The following AFF1 variants were observed in gnomAD, a reference collection of about 807,000 sequenced individuals.
The protein encoded by AFF1 is ALF transcription elongation factor 1.
A neutral mutation model predicts 121.7 loss-of-function variants in AFF1; 48 were observed. That is an observed-to-expected ratio of 0.39 (90% CI 0.31 to 0.50). The LOEUF (loss-of-function observed/expected upper bound fraction) is 0.50. Ranked by LOEUF, AFF1 falls within the 20% of genes least tolerant of loss-of-function variation. The probability of loss-of-function intolerance (pLI) is 0.76; values close to 1 mark genes in which losing one functional copy is unlikely to be tolerated. For missense variants in AFF1, 1,523 were observed against 1,511.7 expected (o/e 1.01, Z -0.12); for synonymous variants, 613 against 563.0 (o/e 1.09, Z -1.26).
intron 2 of AFF1, among the ~76,000 whole-genome samples, chr4:87,016,264 A>G (rs1375700982): frequency 6.6e-6 from 1 of 152,100 alleles, no homozygotes; most frequent in Non-Finnish European, 1.5e-5. Flanking sequence ...GATCTTTTAT[A>G]TCTTTTGTTA....
At chr4:87,066,780 T>C (rs899855082) in intron 4 of AFF1, among the ~76,000 whole-genome samples, 1 of 152,148 alleles carries the variant, frequency 6.6e-6, no homozygotes, top group Non-Finnish European at 1.5e-5. Context: ...ACCCTGAAGG[T>C]TTATCAGCAC....
intron 2 of AFF1, among the ~76,000 whole-genome samples, chr4:87,021,649 G>T (rs1324370873): frequency 6.6e-6 from 1 of 152,142 alleles, no homozygotes; most frequent in Non-Finnish European, 1.5e-5. Flanking sequence ...AAAACTAATT[G>T]TAAGTTAATT....
chr4:86,985,280 G>C (rs56378441), intron 2 of AFF1, among the ~76,000 whole-genome samples: 29,148 of 145,158 alleles, frequency 0.2, 3,068 homozygotes, highest in East Asian at 0.29. Context: ...GGAGGCCGAG[G>C]TGGGTGGATC....
chr4:87,108,342 A>G (rs1726139607), intron 11 of AFF1, 27 bp downstream of exon 11: 1 of 1,606,172 alleles, frequency 6.2e-7, no homozygotes, highest in Non-Finnish European at 8.5e-7. Context: ...CGAGATGGCC[A>G]CCTTAGATGG....
At chr4:86,956,781 C>T (rs905617328) in intron 2 of AFF1, among the ~76,000 whole-genome samples, 5 of 152,104 alleles carry the variant, frequency 3.3e-5, no homozygotes, top group African/African-American at 1.2e-4. Context: ...AATAATATTC[C>T]ATTGCATAGA....
intron 12 of AFF1, among the ~76,000 whole-genome samples, chr4:87,117,497 G>A (rs565363700): frequency 6.6e-6 from 1 of 152,206 alleles, no homozygotes; most frequent in South Asian, 2.1e-4. Context: ...ACCCCCATTG[G>A]TATTTTAAAA....
Position 87,114,694 on chromosome 4 carries a change from C to T in AFF1, c.1861C>T (p.Arg621Trp), listed in dbSNP as rs181226264. ...CAAAAAACCTGTCAAGGCCTCTGCC[C>T]GGGCAGGTTCACGGACCAGCCTGCA... is the stretch of plus-strand genomic sequence containing the variant. ...QPKKPVKASARAGSRTSLQGE... is the reference protein window; with the variant it reads ...QPKKPVKASAWAGSRTSLQGE... Residue 621 changes from arginine (R) to tryptophan (W), a missense_variant, in exon 12 of 21, where the codon CGG becomes TGG. By Grantham distance (101) the Arg-to-Trp change is moderately radical (BLOSUM62 -3). Transcript: ENST00000395146. 44 of 1,613,938 alleles carry T rather than the reference C, an allele frequency of 2.7e-5. No homozygotes were observed. The Admixed American group carries it at 3.7e-4, about 13-fold the overall frequency.
At chr4:87,066,390 G>C (rs1346982130) in intron 4 of AFF1, among the ~76,000 whole-genome samples, 7 of 152,036 alleles carry the variant, frequency 4.6e-5, no homozygotes, top group Non-Finnish European at 1.0e-4. Context: ...TTTGAGACTA[G>C]CCTAGGCAAC....
intron 4 of AFF1, among the ~76,000 whole-genome samples, chr4:87,078,361 G>A (rs975401076): frequency 4.6e-5 from 7 of 152,236 alleles, no homozygotes; most frequent in East Asian, 1.9e-4. Context: ...TCTGAGTTCC[G>A]GGACTGAAAA....
At chr4:87,009,823 C>T (rs1379789932) in intron 2 of AFF1, among the ~76,000 whole-genome samples, 3 of 152,178 alleles carry the variant, frequency 2.0e-5, no homozygotes, top group South Asian at 2.1e-4. Context: ...GATGTAAAAT[C>T]TCAGGTAGTG....
At chr4:87,124,867 C>T (rs1234052231) in intron 12 of AFF1, among the ~76,000 whole-genome samples, 170 bp from the exon 13 acceptor site, 2 of 152,170 alleles carry the variant, frequency 1.3e-5, no homozygotes, top group African/African-American at 4.8e-5. Flanking sequence ...TGCCCACTCC[C>T]CATCACACTC....
At chr4:86,979,753 T>C (rs570290652) in intron 2 of AFF1, among the ~76,000 whole-genome samples, 1 of 152,330 alleles carries the variant, frequency 6.6e-6, no homozygotes, top group South Asian at 2.1e-4. Context: ...ACATGTCTTA[T>C]TGAAAAGGTT....
chr4:87,129,636 C>T (rs1356985243), intron 16 of AFF1, among the ~76,000 whole-genome samples: 1 of 152,196 alleles, frequency 6.6e-6, no homozygotes, highest in African/African-American at 2.4e-5. Context: ...TGTTCTGTCA[C>T]TAATCTGAGC....
intron 2 of AFF1, among the ~76,000 whole-genome samples, chr4:87,017,101 GTTTTTTT>G (rs66466780): frequency 9.4e-6 from 1 of 106,376 alleles, no homozygotes; most frequent in Admixed American, 1.0e-4. Flanking sequence ...ATATATATGT[GTTTTTTT>G]TTTTTTTTTT....
chr4:87,052,472 T>C (rs1377454232), intron 4 of AFF1, among the ~76,000 whole-genome samples: 1 of 151,676 alleles, frequency 6.6e-6, no homozygotes, highest in Non-Finnish European at 1.5e-5. Context: ...GGAGTATGGC[T>C]AGAACACTGA....
At chr4:87,042,010 GAA>G (rs571154413) in intron 2 of AFF1, among the ~76,000 whole-genome samples, 15 of 124,760 alleles carry the variant, frequency 1.2e-4, no homozygotes, top group Admixed American at 1.7e-4. Context: ...ACTCCATCTG[GAA>G]AAAAAAAAAA....
In AFF1 at chr4:87,132,215, C is replaced by T; in HGVS notation, c.3174-56C>T. 1.9e-6 allele frequency: 3 copies of T among 1,576,024 alleles called. No homozygotes were observed. In the Admixed American group the frequency reaches 5.5e-5, roughly 29 times the overall value. On this transcript the variant is annotated intron_variant, in intron 18 of 20. Coordinates refer to ENST00000395146, the MANE Select transcript of AFF1 (RefSeq NM_001166693.3). ...CATTAGGCTATAAAAGGTTAGATGG[C>T]TGCTTTTCTGTAGTATGATAGTCAC...
At chr4:87,071,655 G>A (rs1337215922) in intron 4 of AFF1, among the ~76,000 whole-genome samples, 1 of 152,126 alleles carries the variant, frequency 6.6e-6, no homozygotes, top group African/African-American at 2.4e-5. Flanking sequence ...GGCCACAGTT[G>A]GGTTTATGTA....
chr4:87,131,228 C>T lies in AFF1; in HGVS notation c.3101+9C>T, dbSNP rs1310243345. The T allele has an allele frequency of 3.1e-6, 5 of 1,613,592 alleles. No homozygotes were observed. The highest frequency in any genetic ancestry group is 2.2e-5 in the East Asian group (1 of 44,868). On this transcript the variant is annotated intron_variant, in intron 17 of 20. Coordinates refer to ENST00000395146, the MANE Select transcript of AFF1 (RefSeq NM_001166693.3). ...ACTGTAGATCTCATTAAGTAAGTGC[C>T]GAGTCATTGTGCTTTCCTCTTAAGT...
Sources: gnomAD v4.1 joint callset for allele counts (sites outside exome capture counted in the v4.1 genomes callset) on GRCh38, gnomAD v4.1.1 for gene constraint, MANE v1.5 for transcripts, NCBI Gene and HGNC (gene_info 2026-07-23, HGNC 2026-07-21) for gene names.